AP3S1: variants seen among roughly 807,000 people sequenced by gnomAD.
AP3S1 encodes AP-3 complex subunit sigma-1.
AP3S1 carries 12 observed loss-of-function variants against 21.3 expected under a neutral mutation model. That is an observed-to-expected ratio of 0.56 (90% CI 0.36 to 0.91). The LOEUF is 0.91. AP3S1 is among the 40% of genes least tolerant of loss of function. AP3S1 has a pLI of 0.01. For synonymous variants in AP3S1, 48 were observed against 78.4 expected, an observed-to-expected ratio of 0.61 and a Z score of 2.05; for missense variants, 116 against 225.0, an observed-to-expected ratio of 0.52 and a Z score of 3.10.
intron 3 of AP3S1, among the ~76,000 whole-genome samples, chr5:115,871,760 A>G (rs1748272045): frequency 6.6e-6 from 1 of 152,070 alleles, no homozygotes; most frequent in Non-Finnish European, 1.5e-5. Context: ...CCTTTATGCT[A>G]CGCAAGAATC....
chr5:115,898,139 A>C (rs1750918222), intron 4 of AP3S1, among the ~76,000 whole-genome samples: 1 of 152,148 alleles, frequency 6.6e-6, no homozygotes, highest in East Asian at 1.9e-4. Context: ...TATCCAGAAC[A>C]TTGTTAGTTT....
chr5:115,885,415 G>A (rs1221212166), intron 3 of AP3S1, among the ~76,000 whole-genome samples: 1 of 152,194 alleles, frequency 6.6e-6, no homozygotes, highest in Non-Finnish European at 1.5e-5. Context: ...AACCACTGGT[G>A]TAAATCCAAG....
chr5:115,894,918 G>A (rs895998182), intron 3 of AP3S1, among the ~76,000 whole-genome samples, 169 bp from the exon 4 acceptor site: 1 of 151,986 alleles, frequency 6.6e-6, no homozygotes, highest in South Asian at 2.1e-4. Context: ...GTTAAACTTG[G>A]TAGGACTCTA....
At chr5:115,879,372 A>T (rs1749063910) in intron 3 of AP3S1, among the ~76,000 whole-genome samples, 2 of 152,182 alleles carry the variant, frequency 1.3e-5, no homozygotes, top group Admixed American at 6.5e-5. Context: ...GATATGTTCC[A>T]TCTATACGTA....
chr5:115,859,810 G>T (rs1375124865), intron 1 of AP3S1, among the ~76,000 whole-genome samples: 2 of 152,158 alleles, frequency 1.3e-5, no homozygotes, highest in South Asian at 4.1e-4. Flanking sequence ...CTGCCTAGAC[G>T]GTGAAGAAGG....
chr5:115,884,687 G>T (rs1749623760), intron 3 of AP3S1, among the ~76,000 whole-genome samples: 1 of 152,198 alleles, frequency 6.6e-6, no homozygotes, highest in Admixed American at 6.5e-5. Flanking sequence ...TAAGGCTTAA[G>T]TATTTAAATA....
intron 4 of AP3S1, among the ~76,000 whole-genome samples, chr5:115,900,871 A>G (rs1439572025): frequency 2.6e-5 from 4 of 152,160 alleles, no homozygotes; most frequent in Non-Finnish European, 5.9e-5. Flanking sequence ...CCACTTCTTA[A>G]TACCTCAGAA....
chr5:115,861,755 C>T (rs1269799613), intron 1 of AP3S1, among the ~76,000 whole-genome samples: 6 of 151,974 alleles, frequency 3.9e-5, no homozygotes, highest in Non-Finnish European at 8.8e-5. Context: ...CCATGTTGAC[C>T]AGGCTGGTCT....
At chr5:115,875,739 T>C (rs1036544166) in intron 3 of AP3S1, among the ~76,000 whole-genome samples, 19 of 152,220 alleles carry the variant, frequency 1.2e-4, no homozygotes, top group African/African-American at 4.6e-4. Flanking sequence ...TACATTATAC[T>C]GTATTACCAG....
chr5:115,850,656 C>T (rs1029204051), intron 1 of AP3S1, among the ~76,000 whole-genome samples: 4 of 152,176 alleles, frequency 2.6e-5, no homozygotes, highest in Non-Finnish European at 5.9e-5. Context: ...AGCACGTCTT[C>T]GAAGTTCACT....
chr5:115,895,011 A>G (rs1175522391), intron 3 of AP3S1, 76 bp from the exon 4 acceptor site: 13 of 946,854 alleles, frequency 1.4e-5, no homozygotes, highest in Non-Finnish European at 1.7e-5. Context: ...GTTCATAATT[A>G]AGAATTGCCT....
intron 4 of AP3S1, among the ~76,000 whole-genome samples, chr5:115,902,555 T>C (rs1469570082): frequency 6.6e-6 from 1 of 152,184 alleles, no homozygotes; most frequent in Non-Finnish European, 1.5e-5. Flanking sequence ...CTTCACATAA[T>C]AATAATAATA....
intron 3 of AP3S1, among the ~76,000 whole-genome samples, chr5:115,883,903 A>T (rs1314835169): frequency 6.6e-6 from 1 of 152,206 alleles, no homozygotes; most frequent in African/African-American, 2.4e-5. Context: ...CAGTTTTAAT[A>T]ATACTTATTA....
chr5:115,900,733 G>A (rs554365791), intron 4 of AP3S1, among the ~76,000 whole-genome samples: 3 of 152,298 alleles, frequency 2.0e-5, no homozygotes, highest in East Asian at 3.9e-4. Context: ...GACGATTTGG[G>A]CACTGTGTTT....
chr5:115,852,464 A>T (rs1762504528), intron 1 of AP3S1, among the ~76,000 whole-genome samples: 1 of 152,170 alleles, frequency 6.6e-6, no homozygotes, highest in Non-Finnish European at 1.5e-5. Flanking sequence ...CTTAATTAAA[A>T]TATAGCTCTC....
intron 4 of AP3S1, among the ~76,000 whole-genome samples, chr5:115,901,927 GA>G (rs201481181): frequency 1.3e-5 from 2 of 150,814 alleles, no homozygotes; most frequent in South Asian, 2.1e-4. Context: ...AGAGTTTGTT[GA>G]AAAAAAAATT....
intron 3 of AP3S1, among the ~76,000 whole-genome samples, chr5:115,885,078 G>A (rs114523451): frequency 6.6e-6 from 1 of 152,308 alleles, no homozygotes; most frequent in African/African-American, 2.4e-5. Flanking sequence ...TACCATGTTA[G>A]TTGTATTTCC....
At chr5:115,889,432 A>C (rs947011301) in intron 3 of AP3S1, among the ~76,000 whole-genome samples, 1 of 152,256 alleles carries the variant, frequency 6.6e-6, no homozygotes, top group African/African-American at 2.4e-5. Context: ...AAACATGAAG[A>C]GTAAAATAAT....
intron 3 of AP3S1, among the ~76,000 whole-genome samples, chr5:115,871,388 A>T (rs1748228356): frequency 6.6e-6 from 1 of 152,126 alleles, no homozygotes; most frequent in Admixed American, 6.6e-5. Context: ...TGGTGTCTTC[A>T]AAATCTGGAA....
Sources: allele counts gnomAD v4.1 joint callset (sites outside exome capture counted in the v4.1 genomes callset), GRCh38; gene constraint gnomAD v4.1.1; transcripts MANE v1.5; gene names NCBI Gene and HGNC (gene_info 2026-07-23, HGNC 2026-07-21).